The following DNER variants were observed in gnomAD, a reference collection of about 807,000 sequenced individuals.
DNER encodes delta/notch like EGF repeat containing.
Under a neutral mutation model 78.2 loss-of-function variants are expected in DNER, and 33 were observed. That is an observed-to-expected ratio of 0.42 (90% confidence interval 0.32 to 0.56). The LOEUF is 0.56. DNER is among the 20% of genes least tolerant of loss of function. DNER has a pLI of 0.11. For synonymous variants in DNER, 417 were observed against 384.8 expected (o/e 1.08, Z -0.98); for missense variants, 918 against 975.3 (o/e 0.94, Z 0.78).
rs533077613 is a variant in DNER, at chr2:229,544,097, T to A, written c.993+2850A>T. On this transcript the variant is annotated intron_variant, in intron 5 of 12. Transcript: ENST00000341772. ...AAAAAAGAAAAAAAATATGTTCTCC[T>A]TAGCCTCCTCTTCTTTTCTCCAGTT... 4.6e-5 allele frequency among the ~76,000 whole-genome samples: 7 copies of A among 152,322 alleles called. No homozygotes were observed. The South Asian group carries it at 1.2e-3, about 27-fold the overall frequency.
At chr2:229,461,347 T>C (rs757045018) in intron 7 of DNER, among the ~76,000 whole-genome samples, 2 of 152,104 alleles carry the variant, frequency 1.3e-5, no homozygotes, top group African/African-American at 2.4e-5. Flanking sequence ...CTCTTTTTAT[T>C]AGCACGGCTC....
intron 1 of DNER, among the ~76,000 whole-genome samples, chr2:229,710,587 T>C (rs1486397758): frequency 6.6e-6 from 1 of 151,294 alleles, no homozygotes; most frequent in African/African-American, 2.5e-5. Context: ...TAAGCTACCA[T>C]CATCATCATC....
chr2:229,365,343 A>T lies in DNER; in HGVS notation c.2102+1530T>A, dbSNP rs550085730. Among the ~76,000 whole-genome samples the T allele has an allele frequency of 2.2e-3, 340 of 152,316 alleles. 1 individual carries two copies. Among genetic ancestry groups the T allele is most frequent in the Non-Finnish European group, 3.6e-3 (243 of 68,026 alleles). On this transcript the variant is annotated intron_variant, in intron 12 of 12. Transcript: ENST00000341772. ...ACCTCTACGGGCCTGCCCAGGTCAG[A>T]TAATAAAAAGTCCTTGATGGAAACA...
chr2:229,470,588 G>A (rs146168137), intron 7 of DNER, among the ~76,000 whole-genome samples: 3,380 of 152,258 alleles, frequency 0.022, 61 homozygotes, highest in Middle Eastern at 0.037. Context: ...AGTGGCTCAC[G>A]CCTGTAATCC....
chr2:229,625,898 T>G (rs7596347), intron 1 of DNER, among the ~76,000 whole-genome samples: 5 of 9,412 alleles, frequency 5.3e-4, no homozygotes, highest in African/African-American at 9.1e-4. Flanking sequence ...TTTTGTTGTT[T>G]TTGTTGTTGT....
rs139616890 is a variant in DNER, at chr2:229,358,606, G to A, written c.2148C>T (p.Ile716=). The A allele has an allele frequency of 5.5e-5, 89 of 1,613,690 alleles. No homozygotes were observed. The highest frequency in any genetic ancestry group is 6.8e-5 in the Non-Finnish European group (80 of 1,179,900). ...CATCAGGACTGTAATCTTCATAGGCGATGGGGCTCACATCATACATTGCAG... is the reference window on the plus strand; with the variant it reads ...CATCAGGACTGTAATCTTCATAGGCAATGGGGCTCACATCATACATTGCAG... ...SRPAMYDVSP[I]AYEDYSPDDK... Residue 716 remains isoleucine, a synonymous_variant, in exon 13 of 13, where the codon ATC becomes ATT. Transcript: ENST00000341772.
chr2:229,494,657 A>T (rs1207806209), intron 6 of DNER, among the ~76,000 whole-genome samples: 1 of 152,146 alleles, frequency 6.6e-6, no homozygotes, highest in Non-Finnish European at 1.5e-5. Context: ...CTTAGAAACA[A>T]AGGAGGAAGC....
chr2:229,420,442 T>C (rs922090284), intron 8 of DNER, among the ~76,000 whole-genome samples: 1 of 152,240 alleles, frequency 6.6e-6, no homozygotes, highest in Non-Finnish European at 1.5e-5. Flanking sequence ...ACCACTTGTA[T>C]ATTTGTGCTT....
At chr2:229,712,070 C>T (rs562529014) in intron 1 of DNER, among the ~76,000 whole-genome samples, 3 of 152,154 alleles carry the variant, frequency 2.0e-5, no homozygotes, top group African/African-American at 7.2e-5. Context: ...ACTAAGCTTT[C>T]CTATGAGGAT....
intron 5 of DNER, among the ~76,000 whole-genome samples, chr2:229,527,845 G>T (rs1286359911): frequency 6.6e-6 from 1 of 152,024 alleles, no homozygotes; most frequent in Admixed American, 6.6e-5. Context: ...ATGTATTCAC[G>T]AGTATTTCTG....
At chr2:229,458,854 A>C (rs1694632903) in intron 7 of DNER, among the ~76,000 whole-genome samples, 1 of 152,036 alleles carries the variant, frequency 6.6e-6, no homozygotes. Context: ...CTACGATTTT[A>C]TACAAAGAAA....
chr2:229,366,775 C>A, intron 12 of DNER, 98 bp downstream of exon 12: 1 of 1,533,524 alleles, frequency 6.5e-7, no homozygotes, highest in Non-Finnish European at 8.8e-7. Flanking sequence ...TCTTTAAAAT[C>A]TCCTCTTTGC....
intron 1 of DNER, among the ~76,000 whole-genome samples, chr2:229,698,978 A>G (rs1183070470): frequency 6.6e-6 from 1 of 152,214 alleles, no homozygotes; most frequent in Non-Finnish European, 1.5e-5. Context: ...CTCAAGGGGA[A>G]AGGAGCTAAA....
intron 5 of DNER, among the ~76,000 whole-genome samples, chr2:229,515,025 T>A (rs544271720): frequency 1.3e-4 from 20 of 152,292 alleles, no homozygotes; most frequent in Non-Finnish European, 2.4e-4. Context: ...ATAATTTTTT[T>A]TAAAAAAATC....
intron 4 of DNER, among the ~76,000 whole-genome samples, chr2:229,558,007 G>C (rs1439018411): frequency 6.6e-6 from 1 of 152,162 alleles, no homozygotes; most frequent in Non-Finnish European, 1.5e-5. Flanking sequence ...ACTGGATAAA[G>C]AAAATGTGGT....
At chr2:229,428,519 C>A (rs893902053) in intron 8 of DNER, among the ~76,000 whole-genome samples, 2 of 152,022 alleles carry the variant, frequency 1.3e-5, no homozygotes, top group Admixed American at 6.6e-5. Context: ...GGGCCAATTT[C>A]TCTTCTAGGC....
At chr2:229,573,040 A>G (rs1044568378) in intron 4 of DNER, among the ~76,000 whole-genome samples, 2 of 152,162 alleles carry the variant, frequency 1.3e-5, no homozygotes, top group Admixed American at 1.3e-4. Flanking sequence ...GATGATAAAC[A>G]AGGATGCAGA....
chr2:229,439,431 T>C (rs574456990), intron 8 of DNER, among the ~76,000 whole-genome samples: 1 of 152,322 alleles, frequency 6.6e-6, no homozygotes, highest in African/African-American at 2.4e-5. Context: ...GTTATGTTTG[T>C]CTGCATTTTA....
intron 6 of DNER, among the ~76,000 whole-genome samples, chr2:229,482,481 G>A (rs561926168): frequency 3.3e-5 from 5 of 152,316 alleles, no homozygotes; most frequent in African/African-American, 1.2e-4. Flanking sequence ...TGTGGCCCCT[G>A]CACCCTCATC....
Sources: gnomAD v4.1 joint callset for allele counts (sites outside exome capture counted in the v4.1 genomes callset) on GRCh38, gnomAD v4.1.1 for gene constraint, MANE v1.5 for transcripts, NCBI Gene and HGNC (gene_info 2026-07-23, HGNC 2026-07-21) for gene names.